FLNB: variants seen among roughly 807,000 people sequenced by gnomAD.
FLNB encodes filamin-B.
A neutral mutation model predicts 250.6 loss-of-function variants in FLNB; 111 were observed. The observed-to-expected ratio is 0.44, with a 90% confidence interval of 0.38 to 0.52. The LOEUF is 0.52. FLNB is among the 20% of genes least tolerant of loss of function. The pLI is 0.00. For missense variants in FLNB, 2,869 were observed against 3,447.8 expected, an observed-to-expected ratio of 0.83 and a Z score of 4.20; for synonymous variants, 1,302 against 1,372.1, an observed-to-expected ratio of 0.95 and a Z score of 1.13.
intron 1 of FLNB, among the ~76,000 whole-genome samples, chr3:58,032,678 G>C (rs948627075): frequency 1.3e-5 from 2 of 152,324 alleles, no homozygotes; most frequent in East Asian, 1.9e-4. Context: ...ATTCAAGCAG[G>C]TCCATTTTGT....
At chr3:58,119,136 G>C (rs944097157) in intron 19 of FLNB, 147 bp downstream of exon 19, 1 of 722,734 alleles carries the variant, frequency 1.4e-6, no homozygotes, top group Non-Finnish European at 2.5e-6. Flanking sequence ...TTCGAATTAA[G>C]GCCGTGGTGT....
At chr3:58,161,156 G>A (rs2097360992) in intron 42 of FLNB, among the ~76,000 whole-genome samples, 1 of 152,206 alleles carries the variant, frequency 6.6e-6, no homozygotes. Context: ...TGGTCCATTT[G>A]AGGAAGCAGT....
intron 11 of FLNB, 126 bp from the exon 12 acceptor site, chr3:58,106,554 C>A (rs2097260124): frequency 4.6e-6 from 4 of 860,604 alleles, no homozygotes; most frequent in Non-Finnish European, 7.7e-6. Flanking sequence ...GAAAGGGATA[C>A]AAACAGATTT....
intron 1 of FLNB, among the ~76,000 whole-genome samples, chr3:58,056,073 T>TTTTATTTATTTA (rs1197071012): frequency 1.3e-4 from 19 of 145,108 alleles, no homozygotes; most frequent in South Asian, 8.6e-4. Context: ...CATTAATAAA[T>TTTTATTTATTTA]TTTATTTATT....
At chr3:58,144,320 G>A (rs1325338735) in intron 32 of FLNB, among the ~76,000 whole-genome samples, 1 of 152,048 alleles carries the variant, frequency 6.6e-6, no homozygotes, top group Non-Finnish European at 1.5e-5. Context: ...TCAAACTCCT[G>A]TCCTCAAGCA....
At chr3:58,152,302 C>T (rs2097346418) in intron 38 of FLNB, among the ~76,000 whole-genome samples, 1 of 152,180 alleles carries the variant, frequency 6.6e-6, no homozygotes, top group East Asian at 1.9e-4. Context: ...GCATCTTTGT[C>T]AGTTTGGGCT....
chr3:58,130,970 C>G, intron 25 of FLNB, 62 bp downstream of exon 25: 1 of 1,514,872 alleles, frequency 6.6e-7, no homozygotes, highest in Non-Finnish European at 9.0e-7. Flanking sequence ...CAGCTGTAAC[C>G]CAGAGCAGAT....
chr3:58,031,764 G>T (rs1327130657), intron 1 of FLNB, among the ~76,000 whole-genome samples: 1 of 151,268 alleles, frequency 6.6e-6, no homozygotes, highest in Non-Finnish European at 1.5e-5. Flanking sequence ...GGCTGGTCTC[G>T]AACCCCTGGG....
chr3:58,013,337 C>T (rs763973401), intron 1 of FLNB, among the ~76,000 whole-genome samples: 5 of 152,206 alleles, frequency 3.3e-5, no homozygotes, highest in Non-Finnish European at 7.3e-5. Context: ...AGGCAGGGTG[C>T]GTGTTCCCAA....
At chr3:58,029,713 C>G (rs1319798518) in intron 1 of FLNB, among the ~76,000 whole-genome samples, 4 of 151,952 alleles carry the variant, frequency 2.6e-5, no homozygotes, top group Admixed American at 6.6e-5. Flanking sequence ...CCATGTTGGC[C>G]AGGCTGGTCT....
At chr3:58,082,746 G>T (rs528581850) in intron 4 of FLNB, among the ~76,000 whole-genome samples, 13 of 150,944 alleles carry the variant, frequency 8.6e-5, no homozygotes, top group Non-Finnish European at 1.8e-4. Context: ...ACTCCAGCCT[G>T]GGTGACAGAG....
chr3:58,021,314 T>C (rs750401254), intron 1 of FLNB, among the ~76,000 whole-genome samples: 12 of 152,262 alleles, frequency 7.9e-5, no homozygotes, highest in Non-Finnish European at 1.5e-4. Context: ...AAAAGGCCTT[T>C]GTGAGTCTGT....
chr3:58,136,208 G>T (rs745564784), intron 28 of FLNB, 40 bp downstream of exon 28: 23 of 1,604,422 alleles, frequency 1.4e-5, no homozygotes, highest in Non-Finnish European at 2.0e-5. Flanking sequence ...CACAGGCTTT[G>T]CAATCAGAAA....
At position 58,132,896 on chromosome 3, in the gene FLNB, C is replaced by T. The variant is rs761540502; in HGVS notation, c.4479C>T (p.Val1493=). The change falls in exon 26 of 46, where the codon GTC becomes GTT. Residue 1493 remains valine, a synonymous_variant. Coordinates refer to ENST00000295956, the MANE Select transcript of FLNB (RefSeq NM_001457.4). The stretch of plus-strand genomic sequence containing the variant: ...CATCTCAGGAGGGACCTTACATGGT[C>T]TCAGTTAAATATGCTGATGAAGAGA... ...YTPSQEGPYM[V]SVKYADEEIP... 6.2e-7 allele frequency: 1 copy of T among 1,614,104 alleles called. No homozygotes were observed. Among genetic ancestry groups the T allele is most frequent in the South Asian group, 1.1e-5 (1 of 91,038 alleles).
chr3:58,116,215 T>C (rs1264536713), intron 18 of FLNB, among the ~76,000 whole-genome samples: 6 of 152,156 alleles, frequency 3.9e-5, no homozygotes, highest in African/African-American at 1.4e-4. Context: ...AAGTGTGCCC[T>C]TGGATGTGGT....
rs575113467 is a variant in FLNB, at chr3:58,125,253, C to T, written c.3899-328C>T. ...GCTCAAATGATCCTCCTGCCTCAGC[C>T]CCCTGAGTAGCTGGAACTGCAGGTG... is the stretch of plus-strand genomic sequence containing the variant. On this transcript the variant is annotated intron_variant, in intron 22 of 45. Coordinates refer to ENST00000295956, the MANE Select transcript of FLNB (RefSeq NM_001457.4). 8.0e-4 allele frequency among the ~76,000 whole-genome samples: 122 copies of T among 152,140 alleles called. 2 individuals carry two copies. The highest frequency in any genetic ancestry group is 2.4e-4 in the Non-Finnish European group (16 of 68,042).
At chr3:58,034,077 T>G (rs2097134649) in intron 1 of FLNB, among the ~76,000 whole-genome samples, 1 of 152,176 alleles carries the variant, frequency 6.6e-6, no homozygotes, top group South Asian at 2.1e-4. Context: ...GTCATGCTGG[T>G]CTCGAACTCC....
intron 1 of FLNB, among the ~76,000 whole-genome samples, chr3:58,069,089 G>A (rs2097190229): frequency 6.6e-6 from 1 of 150,576 alleles, no homozygotes; most frequent in African/African-American, 2.5e-5. Context: ...GTTGCAGTGA[G>A]CAGAGATTGT....
chr3:58,168,470 C>T lies in FLNB; in HGVS notation c.7229C>T (p.Thr2410Ile). 1 of 1,614,140 alleles carries T rather than the reference C, an allele frequency of 6.2e-7. No individual in the cohort carries two copies. The highest frequency in any genetic ancestry group is 8.5e-7 in the Non-Finnish European group (1 of 1,179,968). The change falls in exon 44 of 46, where the codon ACC becomes ATC. Residue 2410 changes from threonine to isoleucine, a missense_variant. Thr to Ile is a moderately conservative substitution (Grantham distance 89). Transcript: ENST00000295956. The stretch of plus-strand genomic sequence containing the variant: ...CAGTCGGAATTCTTTATTAACACCA[C>T]CCGAGCAGGTCCAGGGACATTATCC... ...GIQSEFFINT[T>I]RAGPGTLSVT...
Sources: allele counts gnomAD v4.1 joint callset (sites outside exome capture counted in the v4.1 genomes callset), GRCh38; gene constraint gnomAD v4.1.1; transcripts MANE v1.5; gene names NCBI Gene and HGNC (gene_info 2026-07-23, HGNC 2026-07-21).